WRN: variants seen among roughly 807,000 people sequenced by gnomAD.
The protein encoded by WRN is bifunctional 3'-5' exonuclease/ATP-dependent helicase WRN.
WRN carries 149 observed loss-of-function variants against 180.7 expected under a neutral mutation model. The observed-to-expected ratio is 0.82, with a 90% CI of 0.72 to 0.94. WRN has a LOEUF of 0.94. Among genes scored for constraint, WRN ranks in the 40% least tolerant of loss-of-function variants. WRN has a pLI of 0.00. For synonymous variants in WRN, 548 were observed against 568.9 expected, an observed-to-expected ratio of 0.96 and a Z score of 0.52; for missense variants, 1,661 against 1,700.1, an observed-to-expected ratio of 0.98 and a Z score of 0.40.
chr8:31,059,394 C>A, intron 3 of WRN, 129 bp downstream of exon 3: 2 of 705,744 alleles, frequency 2.8e-6, no homozygotes, highest in South Asian at 3.2e-5. Flanking sequence ...TCTATGTATA[C>A]ACTATCACCA....
chr8:31,098,283 TG>T (rs1372880175), intron 17 of WRN, among the ~76,000 whole-genome samples: 1 of 152,212 alleles, frequency 6.6e-6, no homozygotes, highest in Non-Finnish European at 1.5e-5. Context: ...ATAAATTTCA[TG>T]GTTGTATTGC....
At chr8:31,063,229 A>G (rs1291171643) in intron 3 of WRN, among the ~76,000 whole-genome samples, 2 of 152,206 alleles carry the variant, frequency 1.3e-5, no homozygotes, top group East Asian at 3.8e-4. Flanking sequence ...AATGCTAACA[A>G]ACTGTGTACT....
chr8:31,118,715 CT>C (rs1336242955), intron 20 of WRN, among the ~76,000 whole-genome samples: 6 of 151,962 alleles, frequency 3.9e-5, no homozygotes, highest in African/African-American at 1.4e-4. Flanking sequence ...AAAAAGTATA[CT>C]TTTCTTTCTT....
chr8:31,123,989 C>T (rs894905653), intron 21 of WRN, among the ~76,000 whole-genome samples: 1 of 152,006 alleles, frequency 6.6e-6, no homozygotes, highest in African/African-American at 2.4e-5. Context: ...TGACTGGTGT[C>T]CCATAATAAC....
At position 31,174,293 on chromosome 8, in the gene WRN, G is replaced by A. The variant is rs1226120624; in HGVS notation, c.*1191G>A. Reference sequence around the variant, plus strand: ...CTGCAATACCCTGTGAATATCCTGTGTGATGGAGTGGCAAGTACGCACAGA... The same window carrying A: ...CTGCAATACCCTGTGAATATCCTGTATGATGGAGTGGCAAGTACGCACAGA... On this transcript the variant is annotated 3_prime_UTR_variant, in exon 35 of 35. Coordinates refer to ENST00000298139, the MANE Select transcript of WRN (RefSeq NM_000553.6). Among the ~76,000 whole-genome samples the A allele has an allele frequency of 6.6e-6, 1 of 152,238 alleles. No homozygotes were observed. Among genetic ancestry groups the A allele is most frequent in the Non-Finnish European group, 1.5e-5 (1 of 68,044 alleles).
intron 1 of WRN, among the ~76,000 whole-genome samples, chr8:31,044,664 T>G (rs1185310132): frequency 6.6e-6 from 1 of 152,188 alleles, no homozygotes; most frequent in East Asian, 1.9e-4. Flanking sequence ...CAATTTCATT[T>G]TCTATTTTGA....
In WRN at chr8:31,111,618, C is replaced by G. The variant is rs752740258; in HGVS notation, c.2092C>G (p.Pro698Ala). The change falls in exon 19 of 35, where the codon CCA (proline) becomes GCA (alanine). Residue 698 changes from proline (P) to alanine (A), a missense_variant. By Grantham distance (27) the Pro-to-Ala change is conservative. Transcript: ENST00000298139. The stretch of plus-strand genomic sequence containing the variant: ...ATATCAGTTTTACATCATTCAGGTT[C>G]CAATCGTTGCACTTACTGCTACTGC... The part of the protein sequence containing the change: ...GSLKTALPMV[P>A]IVALTATASS... 9 of 1,613,898 alleles carry G rather than the reference C, an allele frequency of 5.6e-6. No individual in the cohort carries two copies. The highest frequency in any genetic ancestry group is 1.1e-5 in the South Asian group (1 of 91,070).
intron 1 of WRN, among the ~76,000 whole-genome samples, chr8:31,037,584 A>C (rs1209521613): frequency 1.3e-5 from 2 of 152,104 alleles, no homozygotes; most frequent in Non-Finnish European, 2.9e-5. Flanking sequence ...GAGATAATTG[A>C]CTACTTTCAT....
Position 31,090,774 on chromosome 8 carries a change from A to G in WRN, c.1721-60A>G, listed in dbSNP as rs7843574. ...ATTGTAAAAAGAAATGAAAGCATCA[A>G]AGGTTTATTTTTATTTCTATATTTT... On this transcript the variant is annotated intron_variant, in intron 14 of 34. Coordinates refer to ENST00000298139, the MANE Select transcript of WRN (RefSeq NM_000553.6). The G allele has an allele frequency of 3.4e-4, 461 of 1,374,748 alleles. No individual in the cohort carries two copies. The African/African-American group carries it at 5.8e-3, about 17-fold the overall frequency. 85.2% of individuals were successfully genotyped at this position (1,374,748 alleles called of 1,614,324 possible). A position where few individuals can be genotyped will look rare whatever the true frequency, so the allele number is the denominator to read the frequency against.
chr8:31,163,951 C>T (rs532699102), intron 33 of WRN, among the ~76,000 whole-genome samples: 104 of 151,634 alleles, frequency 6.9e-4, no homozygotes, highest in South Asian at 3.1e-3. Context: ...CTCTTGGGCT[C>T]AAGCAAGCCT....
At chr8:31,084,156 G>A (rs1389671650) in intron 10 of WRN, among the ~76,000 whole-genome samples, 4 of 151,958 alleles carry the variant, frequency 2.6e-5, no homozygotes, top group Non-Finnish European at 5.9e-5. Flanking sequence ...GCACCACCAT[G>A]CCCGGCTAAT....
chr8:31,153,467 C>T (rs1803222811), intron 31 of WRN, among the ~76,000 whole-genome samples: 2 of 152,154 alleles, frequency 1.3e-5, no homozygotes, highest in Admixed American at 1.3e-4. Context: ...AAAAGAGAAA[C>T]AGAAACATGT....
chr8:31,149,455 GTTTTTTTTTTTTTTTTTTTTTTTTTTT>G, intron 30 of WRN, among the ~76,000 whole-genome samples: 1 of 51,988 alleles, frequency 1.9e-5, no homozygotes, highest in East Asian at 6.8e-4. Flanking sequence ...TAATAGAGGT[GTTTTTTTTTTTTTTTTTTTTTTTTTTT>G]TTTTTTTTTG....
intron 34 of WRN, among the ~76,000 whole-genome samples, chr8:31,172,693 C>G (rs1020721476): frequency 6.6e-6 from 1 of 152,182 alleles, no homozygotes; most frequent in Non-Finnish European, 1.5e-5. Flanking sequence ...AAAGCAAGTA[C>G]ACCATGGGAC....
rs1418607116 is a variant in WRN at position 31,167,210 on chromosome 8, G to A, written c.4171G>A (p.Glu1391Lys). 2.5e-6 allele frequency: 4 copies of A among 1,612,954 alleles called. No individual in the cohort carries two copies. The change falls in exon 34 of 35, where the codon GAA becomes AAA. Residue 1391 changes from glutamate to lysine, a missense_variant. Glu to Lys is a moderately conservative substitution (Grantham distance 56). This residue lies in a region of WRN where 1,141 missense variants were observed against 1,149.4 expected (regional missense o/e 0.99). Coordinates refer to ENST00000298139, the MANE Select transcript of WRN (RefSeq NM_000553.6). ...TTCAAGTTCTAAGAGAAGCAAGGAA[G>A]AAGTAGGCATCAATACTGAGGTATT... Reference protein sequence around the residue: ...ICSSSKRSKEEVGINTETSSA... With the variant: ...ICSSSKRSKEKVGINTETSSA...
rs11574399 is a variant in WRN, at chr8:31,167,841, C to T, written c.4191+611C>T. The stretch of plus-strand genomic sequence containing the variant: ...TCAGATATATTGTTTAATAATATGA[C>T]TCTATTAAATGATGGCATAAATTTG... On this transcript the variant is annotated intron_variant, in intron 34 of 34. Coordinates refer to ENST00000298139, the MANE Select transcript of WRN (RefSeq NM_000553.6). 5.7e-3 allele frequency among the ~76,000 whole-genome samples: 863 copies of T among 152,198 alleles called. 6 individuals carry two copies. The highest frequency in any genetic ancestry group is 0.02 in the African/African-American group (818 of 41,550).
At chr8:31,140,305 AC>A (rs553496432) in intron 24 of WRN, among the ~76,000 whole-genome samples, 110 of 152,150 alleles carry the variant, frequency 7.2e-4, no homozygotes, top group African/African-American at 2.4e-3. Flanking sequence ...ACAGGCATGA[AC>A]CACTGTGCCT....
chr8:31,140,852 T>A (rs1802593006), intron 24 of WRN, among the ~76,000 whole-genome samples: 1 of 152,092 alleles, frequency 6.6e-6, no homozygotes, highest in Non-Finnish European at 1.5e-5. Context: ...GCCTCCCAGA[T>A]TCACGCCATC....
intron 28 of WRN, among the ~76,000 whole-genome samples, chr8:31,143,967 A>G (rs1241950826): frequency 2.0e-5 from 3 of 152,210 alleles, no homozygotes; most frequent in Non-Finnish European, 4.4e-5. Context: ...AAACTTGTTC[A>G]AGAGCATACA....
Sources: allele counts gnomAD v4.1 joint callset (sites outside exome capture counted in the v4.1 genomes callset), GRCh38; gene constraint gnomAD v4.1.1; regional missense constraint gnomAD v4.1.1; transcripts MANE v1.5; gene names NCBI Gene and HGNC (gene_info 2026-07-23, HGNC 2026-07-21).